Variants in GALC observed in about 807,000 individuals in gnomAD.
GALC encodes the protein galactocerebrosidase.
A neutral mutation model predicts 91.8 loss-of-function variants in GALC; 77 were observed. That is an observed-to-expected ratio of 0.84 (90% CI 0.70 to 1.01). GALC has a LOEUF of 1.01. Ranked by LOEUF, GALC falls within the 50% of genes least tolerant of loss-of-function variation. GALC has a pLI of 0.00. For synonymous variants in GALC, 357 were observed against 306.7 expected, an observed-to-expected ratio of 1.16 and a Z score of -1.71; for missense variants, 882 against 855.9, an observed-to-expected ratio of 1.03 and a Z score of -0.38.
intron 10 of GALC, among the ~76,000 whole-genome samples, chr14:87,956,264 G>A (rs2139976234): frequency 6.6e-6 from 1 of 152,120 alleles, no homozygotes; most frequent in East Asian, 1.9e-4. Context: ...GCTTTACAGT[G>A]TGTGGAGGGG....
rs1436558612 is a variant in GALC at position 87,941,618 on chromosome 14, GAT to G, written c.1671-62_1671-61del. The G allele has an allele frequency of 7.1e-6, 8 of 1,132,042 alleles. No homozygotes were observed. In the East Asian group the frequency reaches 1.6e-4, roughly 23 times the overall value. 70.1% of individuals were successfully genotyped at this position (1,132,042 alleles called of 1,614,324 possible). A position where few individuals can be genotyped will look rare whatever the true frequency, so the allele number is the denominator to read the frequency against. ...AATATGCCCTTTGTAACATAGTACA[GAT>G]ATGTCATTTCACAGCACATGCTTCC... On this transcript the variant is annotated intron_variant, in intron 14 of 16. Coordinates refer to ENST00000261304, the MANE Select transcript of GALC (RefSeq NM_000153.4).
In GALC at chr14:87,990,821, T is replaced by C. The variant is rs191469641; in HGVS notation, c.195+2149A>G. ...AATGTTAAAATGCACCATCTAGCAA[T>C]AGCAAATCACGGGATTACTAACCAC... On this transcript the variant is annotated intron_variant, in intron 1 of 16. Coordinates refer to ENST00000261304, the MANE Select transcript of GALC (RefSeq NM_000153.4). Among the ~76,000 whole-genome samples the C allele has an allele frequency of 2.1e-3, 317 of 152,224 alleles. 1 individual carries two copies. Among genetic ancestry groups the C allele is most frequent in the African/African-American group, 7.4e-3 (309 of 41,516 alleles).
intron 10 of GALC, among the ~76,000 whole-genome samples, chr14:87,962,620 CACA>C (rs1566987942): frequency 8.7e-6 from 1 of 115,502 alleles, no homozygotes; most frequent in Non-Finnish European, 1.9e-5. Context: ...CACACACACA[CACA>C]CCATTTTTTT....
chr14:87,988,640 T>C (rs1887070981), intron 1 of GALC, 117 bp from the exon 2 acceptor site: 9 of 796,560 alleles, frequency 1.1e-5, no homozygotes, highest in South Asian at 1.1e-4. Context: ...AAGGTCAGGC[T>C]GAGGAAAAGT....
intron 13 of GALC, among the ~76,000 whole-genome samples, chr14:87,947,512 T>A (rs1885119315): frequency 6.6e-6 from 1 of 151,998 alleles, no homozygotes; most frequent in Non-Finnish European, 1.5e-5. Context: ...GAACCCTATA[T>A]TTTTTTCTGA....
At chr14:87,949,999 C>T in intron 11 of GALC, 68 bp from the exon 12 acceptor site, 1 of 800,734 alleles carries the variant, frequency 1.2e-6, no homozygotes, top group African/African-American at 1.7e-5. Context: ...TTTCCAAAAT[C>T]AGTACCAGCA....
rs1884554639 is a variant in GALC, at chr14:87,936,085, G to C, written c.1912-1207C>G. Among the ~76,000 whole-genome samples the C allele has an allele frequency of 2.0e-5, 3 of 151,918 alleles. No individual in the cohort carries two copies. In the South Asian group the frequency reaches 6.2e-4, roughly 32 times the overall value. On this transcript the variant is annotated intron_variant, in intron 16 of 16. Coordinates refer to ENST00000261304, the MANE Select transcript of GALC (RefSeq NM_000153.4). Reference sequence around the variant, plus strand: ...ATCTCTCCTGACTCCCCAGACTTCAGCCACCCCAGCCTCCAGGCTGCTCTT... The same window carrying C: ...ATCTCTCCTGACTCCCCAGACTTCACCCACCCCAGCCTCCAGGCTGCTCTT...
At chr14:87,940,013 T>A (rs746633636) in intron 15 of GALC, 32 bp from the exon 16 acceptor site, 116 of 1,514,686 alleles carry the variant, frequency 7.7e-5, no homozygotes, top group South Asian at 4.3e-4. Flanking sequence ...CCAATAGATA[T>A]AATTTTGAGA....
intron 16 of GALC, among the ~76,000 whole-genome samples, chr14:87,937,068 A>T (rs1167673186): frequency 6.6e-6 from 1 of 151,846 alleles, no homozygotes; most frequent in African/African-American, 2.4e-5. Flanking sequence ...AACTGGGACA[A>T]GTCACCTGAC....
In GALC at chr14:87,933,881, G is replaced by C. The variant is rs1884459332; in HGVS notation, c.*851C>G. 1.0e-6 allele frequency: 1 copy of C among 990,062 alleles called. No homozygotes were observed. The highest frequency in any genetic ancestry group is 1.5e-6 in the Non-Finnish European group (1 of 655,764). The allele number at this position is 990,062 out of a possible 1,614,324, so 61.3% of individuals were successfully genotyped here. A position where few individuals can be genotyped will look rare whatever the true frequency, so the allele number is the denominator to read the frequency against. On this transcript the variant is annotated 3_prime_UTR_variant, in exon 17 of 17. Transcript: ENST00000261304. The stretch of plus-strand genomic sequence containing the variant: ...CATAAGGAGAGAAAAGCATTCATCA[G>C]CTGTGTGAGTCTGTTACCAGTGCAC...
At chr14:87,992,434 C>A in intron 1 of GALC, 1 of 1,535,322 alleles carries the variant, frequency 6.5e-7, no homozygotes, top group Non-Finnish European at 8.7e-7. Context: ...CTATTCGGCG[C>A]TACCCTCTCT....
chr14:87,988,506 T>C lies in GALC; in HGVS notation c.213A>G (p.Leu71=). 3 of 1,611,824 alleles carry C rather than the reference T, an allele frequency of 1.9e-6. No individual in the cohort carries two copies. Among genetic ancestry groups the C allele is most frequent in the African/African-American group, 1.3e-5 (1 of 74,982 alleles). The change falls in exon 2 of 17, where the codon CTA becomes CTG. Residue 71 remains leucine (L), a synonymous_variant. Coordinates refer to ENST00000261304, the MANE Select transcript of GALC (RefSeq NM_000153.4). The stretch of plus-strand genomic sequence containing the variant: ...AACGATAGGGCTCTGGGTAATTTAC[T>C]AGAAGTCGGGAGGTTGCCTAAAAAA... ...VSGGGATSRL[L]VNYPEPYRSQ... is the part of the protein sequence containing the mutation.
At chr14:87,993,294 A>C (rs958148318), upstream of GALC, 6 of 1,538,140 alleles carry the variant, frequency 3.9e-6, no homozygotes, top group Middle Eastern at 5.0e-4. Flanking sequence ...CCTCTGACGC[A>C]GCTGGCGGAG....
intron 6 of GALC, chr14:87,980,582 A>C (rs1392632516): frequency 6.8e-6 from 5 of 731,254 alleles, no homozygotes; most frequent in Non-Finnish European, 8.3e-6. Flanking sequence ...CCGTTCTTGA[A>C]GATTCAAATT....
chr14:87,944,078 T>A (rs1884970356), intron 14 of GALC, among the ~76,000 whole-genome samples: 1 of 151,912 alleles, frequency 6.6e-6, no homozygotes, highest in Admixed American at 6.6e-5. Context: ...TCTACACCCT[T>A]CCCCATCCCT....
At chr14:87,956,758 C>A (rs1457635417) in intron 10 of GALC, among the ~76,000 whole-genome samples, 1 of 151,736 alleles carries the variant, frequency 6.6e-6, no homozygotes, top group African/African-American at 2.4e-5. Flanking sequence ...ACAGTGACTT[C>A]TTTTCTTTTG....
chr14:87,936,122 A>C (rs1884555933), intron 16 of GALC, among the ~76,000 whole-genome samples: 1 of 151,944 alleles, frequency 6.6e-6, no homozygotes, highest in African/African-American at 2.4e-5. Context: ...ACACAATGTC[A>C]GCTACACCTG....
intron 3 of GALC, chr14:87,987,859 C>T (rs1348139492): frequency 5.9e-6 from 2 of 338,598 alleles, no homozygotes; most frequent in African/African-American, 4.2e-5. Context: ...TGTCCCTATG[C>T]TCTGTCCTGT....
chr14:87,935,644 T>C (rs894511827), intron 16 of GALC, among the ~76,000 whole-genome samples: 1 of 152,082 alleles, frequency 6.6e-6, no homozygotes, highest in Non-Finnish European at 1.5e-5. Flanking sequence ...ATCTTTATGA[T>C]AGTACATTTA....
Sources: allele counts gnomAD v4.1 joint callset (sites outside exome capture counted in the v4.1 genomes callset), GRCh38; gene constraint gnomAD v4.1.1; transcripts MANE v1.5; gene names NCBI Gene and HGNC (gene_info 2026-07-23, HGNC 2026-07-21).